PDE1B: variants seen among roughly 807,000 people sequenced by gnomAD.
PDE1B encodes the protein phosphodiesterase 1B.
In PDE1B, 13 loss-of-function variants were observed where a neutral mutation model predicts 66.7. The ratio of observed to expected loss-of-function variants is 0.19; its 90% CI spans 0.13 to 0.31. The LOEUF (loss-of-function observed/expected upper bound fraction) is 0.31, where lower values mean the gene tolerates loss of function less well. Ranked by LOEUF, PDE1B falls within the 10% of genes least tolerant of loss-of-function variation. PDE1B has a pLI of 1.00. For synonymous variants in PDE1B, 230 were observed against 253.9 expected (o/e 0.91, Z 0.90); for missense variants, 485 against 682.3 (o/e 0.71, Z 3.22).
At chr12:54,550,079 A>T (rs990932430) in intron 2 of PDE1B, 94 bp downstream of exon 2, 3 of 1,503,580 alleles carry the variant, frequency 2.0e-6, no homozygotes, top group African/African-American at 2.8e-5. Context: ...GTGGGCTGGT[A>T]GATTCTCTTT....
At chr12:54,553,300 T>C (rs1056722043) in intron 2 of PDE1B, among the ~76,000 whole-genome samples, 2 of 152,216 alleles carry the variant, frequency 1.3e-5, no homozygotes, top group African/African-American at 4.8e-5. Context: ...CCACTCTCTT[T>C]TCTCTGCTCC....
Position 54,576,589 on chromosome 12 carries a change from C to G in PDE1B, c.1395C>G (p.Pro465=). ...CTTCTAGCTTTCAGTGGCGCCAGCC[C>G]TCTCTGGATGTGGAAGTGGGAGACC... The part of the protein sequence containing the change: ...KNQPSFQWRQ[P]SLDVEVGDPN... Residue 465 remains proline, a synonymous_variant, in exon 14 of 16, where the codon CCC becomes CCG. Transcript: ENST00000243052. 6.2e-7 allele frequency: 1 copy of G among 1,614,110 alleles called. No individual in the cohort carries two copies. The highest frequency in any genetic ancestry group is 1.1e-5 in the South Asian group (1 of 91,074).
rs779209390 is a variant in PDE1B at position 54,573,144 on chromosome 12, G to A, written c.736-4G>A. 1.2e-6 allele frequency: 2 copies of A among 1,610,982 alleles called. No homozygotes were observed. Among genetic ancestry groups the A allele is most frequent in the Non-Finnish European group, 1.7e-6 (2 of 1,177,160 alleles). ...TCTCTCATTCTTTCTCTTTCCTCCT[G>A]TAGCACTGCCTGTCGGAGATTGAGC... On this transcript the variant is annotated splice_polypyrimidine_tract_variant and splice_region_variant and intron_variant, in intron 7 of 15. Coordinates refer to ENST00000243052, the MANE Select transcript of PDE1B (RefSeq NM_000924.4). The surrounding 1 kb of genome is among the most constrained non-coding windows in gnomAD (Gnocchi z 5.2).
chr12:54,569,763 C>T lies in PDE1B; in HGVS notation c.477+151C>T. 3.3e-6 allele frequency: 2 copies of T among 609,540 alleles called. No homozygotes were observed. Among genetic ancestry groups the T allele is most frequent in the Non-Finnish European group, 5.9e-6 (2 of 341,692 alleles). The allele number at this position is 609,540 out of a possible 1,614,324, so 37.8% of individuals were successfully genotyped here. On this transcript the variant is annotated intron_variant, in intron 5 of 15. Transcript: ENST00000243052. The surrounding 1 kb of genome is among the most constrained non-coding windows in gnomAD (Gnocchi z 4.4). The stretch of plus-strand genomic sequence containing the variant: ...TGTCACTCAGGCTGGAGTGCAGTGG[C>T]GTGATCTCGTCTCACTGCAACCTCT...
At chr12:54,551,390 A>C (rs1168464185) in intron 2 of PDE1B, among the ~76,000 whole-genome samples, 1 of 152,202 alleles carries the variant, frequency 6.6e-6, no homozygotes, top group African/African-American at 2.4e-5. Flanking sequence ...GGGCTCTATG[A>C]AGCACAGCCT....
At chr12:54,577,178 A>G in intron 14 of PDE1B, 47 bp from the exon 15 acceptor site, 1 of 1,482,538 alleles carries the variant, frequency 6.7e-7, no homozygotes, top group Non-Finnish European at 9.4e-7. Context: ...GTTCTGGGGA[A>G]GAATACTTCT....
chr12:54,569,531 A>C lies in PDE1B; in HGVS notation c.411-15A>C. 6.2e-7 allele frequency: 1 copy of C among 1,611,212 alleles called. No homozygotes were observed. Among genetic ancestry groups the C allele is most frequent in the East Asian group, 2.2e-5 (1 of 44,866 alleles). On this transcript the variant is annotated splice_polypyrimidine_tract_variant and intron_variant, in intron 4 of 15. Coordinates refer to ENST00000243052, the MANE Select transcript of PDE1B (RefSeq NM_000924.4). This position sits in a 1 kb window ranked among gnomAD's most constrained non-coding sequence, Gnocchi z 4.4. The stretch of plus-strand genomic sequence containing the variant: ...GACCTTCATATGTGGGCTTCTTCTC[A>C]TTGTTCTCTCTCAGGATGTTCCGGA...
rs1412958873 is a variant in PDE1B at position 54,573,390 on chromosome 12, T to C, written c.872T>C (p.Val291Ala). ...ECAIVYNDRS[V>A]LENHHISSVF... ...GCCATCGTGTACAATGATCGTTCAG[T>C]GCTGGAGAATCACCACATCAGCTCT... is the stretch of plus-strand genomic sequence containing the variant. The change falls in exon 9 of 16, where the codon GTG becomes GCG. Residue 291 changes from valine to alanine, a missense_variant. By Grantham distance (64) the Val-to-Ala change is moderately conservative. Transcript: ENST00000243052. The surrounding 1 kb of genome is among the most constrained non-coding windows in gnomAD (Gnocchi z 5.2). 2 of 1,613,976 alleles carry C rather than the reference T, an allele frequency of 1.2e-6. No individual in the cohort carries two copies. The highest frequency in any genetic ancestry group is 1.7e-6 in the Non-Finnish European group (2 of 1,179,954).
In PDE1B at chr12:54,575,470, C is replaced by T; in HGVS notation, c.1186-81C>T. On this transcript the variant is annotated intron_variant, in intron 11 of 15. Coordinates refer to ENST00000243052, the MANE Select transcript of PDE1B (RefSeq NM_000924.4). This position sits in a 1 kb window ranked among gnomAD's most constrained non-coding sequence, Gnocchi z 4.0. The stretch of plus-strand genomic sequence containing the variant: ...AAATTTCACACAACAACCCCCCACC[C>T]CCACCACTTGCCACCTGTACCCCAG... The T allele has an allele frequency of 1.0e-6, 1 of 988,330 alleles. No individual in the cohort carries two copies. The highest frequency in any genetic ancestry group is 1.6e-6 in the Non-Finnish European group (1 of 611,690). The allele number at this position is 988,330 out of a possible 1,614,324, so 61.2% of individuals were successfully genotyped here. A position where few individuals can be genotyped will look rare whatever the true frequency, so the allele number is the denominator to read the frequency against.
intron 2 of PDE1B, among the ~76,000 whole-genome samples, chr12:54,564,924 T>A (rs909185585): frequency 6.6e-6 from 1 of 152,206 alleles, no homozygotes; most frequent in Non-Finnish European, 1.5e-5. Context: ...TCCTGAGCCT[T>A]GGTTTCTGCA....
intron 2 of PDE1B, among the ~76,000 whole-genome samples, chr12:54,555,344 G>A (rs1009478499): frequency 6.6e-6 from 1 of 152,182 alleles, no homozygotes; most frequent in Non-Finnish European, 1.5e-5. Context: ...AATCACTGAA[G>A]TCTCTTAGAA....
Position 54,575,635 on chromosome 12 carries a change from G to T in PDE1B, c.1267+3G>T, listed in dbSNP as rs1400752123. 17 of 1,600,530 alleles carry T rather than the reference G, an allele frequency of 1.1e-5. No homozygotes were observed. The highest frequency in any genetic ancestry group is 1.5e-5 in the Non-Finnish European group (17 of 1,169,106). On this transcript the variant is annotated splice_donor_region_variant and intron_variant, in intron 12 of 15. Transcript: ENST00000243052. The surrounding 1 kb of genome is among the most constrained non-coding windows in gnomAD (Gnocchi z 4.0). Reference sequence around the variant, plus strand: ...TCTAGTGGCACAGTCTCAGATAGGTGAGTGTCCTCTCCTGCAGGAAGGGGA... The same window carrying T: ...TCTAGTGGCACAGTCTCAGATAGGTTAGTGTCCTCTCCTGCAGGAAGGGGA...
At chr12:54,551,133 A>G (rs184125344) in intron 2 of PDE1B, among the ~76,000 whole-genome samples, 1 of 152,272 alleles carries the variant, frequency 6.6e-6, no homozygotes, top group East Asian at 1.9e-4. Context: ...GAAGCTTTCT[A>G]TTTCTGGGTT....
intron 3 of PDE1B, among the ~76,000 whole-genome samples, chr12:54,567,956 A>G (rs1957546396): frequency 6.6e-6 from 1 of 152,114 alleles, no homozygotes; most frequent in Non-Finnish European, 1.5e-5. Flanking sequence ...TCTGGGGTTC[A>G]AGCAATTCTT....
intron 2 of PDE1B, 145 bp downstream of exon 2, chr12:54,550,130 AC>A (rs1957254344): frequency 1.4e-6 from 2 of 1,447,342 alleles, no homozygotes; most frequent in East Asian, 5.0e-5. Flanking sequence ...CGGCCCTGAC[AC>A]GCGTGGCCAG....
At position 54,569,675 on chromosome 12, in the gene PDE1B, T is replaced by A; in HGVS notation, c.477+63T>A. 1 of 1,093,862 alleles carries A rather than the reference T, an allele frequency of 9.1e-7. No individual in the cohort carries two copies. Among genetic ancestry groups the A allele is most frequent in the Non-Finnish European group, 1.4e-6 (1 of 711,682 alleles). The allele number at this position is 1,093,862 out of a possible 1,614,324, so 67.8% of individuals were successfully genotyped here. A position where few individuals can be genotyped will look rare whatever the true frequency, so the allele number is the denominator to read the frequency against. On this transcript the variant is annotated intron_variant, in intron 5 of 15. Coordinates refer to ENST00000243052, the MANE Select transcript of PDE1B (RefSeq NM_000924.4). This position sits in a 1 kb window ranked among gnomAD's most constrained non-coding sequence, Gnocchi z 4.4. ...GGGATGGAATAGCCACTGGGACTTCTAGACCCTGTTTATGGCATTATTTTT... is the reference window on the plus strand; with the variant it reads ...GGGATGGAATAGCCACTGGGACTTCAAGACCCTGTTTATGGCATTATTTTT...
In PDE1B at chr12:54,575,694, A is replaced by T. The variant is rs1957728158; in HGVS notation, c.1267+62A>T. On this transcript the variant is annotated intron_variant, in intron 12 of 15. Transcript: ENST00000243052. This position sits in a 1 kb window ranked among gnomAD's most constrained non-coding sequence, Gnocchi z 4.0. ...AGGGGGAAAAGATGCTGCCTGGGTCAGGATTGCTCCAAGTCCTCAATCCCC... is the reference window on the plus strand; with the variant it reads ...AGGGGGAAAAGATGCTGCCTGGGTCTGGATTGCTCCAAGTCCTCAATCCCC... 1.7e-6 allele frequency: 2 copies of T among 1,200,784 alleles called. No homozygotes were observed. The highest frequency in any genetic ancestry group is 3.4e-5 in the Admixed American group (2 of 59,524). The allele number at this position is 1,200,784 out of a possible 1,614,324, so 74.4% of individuals were successfully genotyped here.
At position 54,569,008 on chromosome 12, in the gene PDE1B, A is replaced by C. The variant is rs1957569818; in HGVS notation, c.228-176A>C. On this transcript the variant is annotated intron_variant, in intron 3 of 15. Transcript: ENST00000243052. This position sits in a 1 kb window ranked among gnomAD's most constrained non-coding sequence, Gnocchi z 4.4. ...ACTACCTCACATGGAGACCTGTTTC[A>C]TTATTGGAGATGTTAGATAAAGAAA... is the stretch of plus-strand genomic sequence containing the variant. The C allele has an allele frequency of 2.8e-6, 3 of 1,088,270 alleles. No individual in the cohort carries two copies. The highest frequency in any genetic ancestry group is 3.2e-5 in the African/African-American group (2 of 62,642). 67.4% of individuals were successfully genotyped at this position (1,088,270 alleles called of 1,614,324 possible).
chr12:54,573,799 G>A lies in PDE1B; in HGVS notation c.1064+90G>A. 2.2e-6 allele frequency: 2 copies of A among 894,846 alleles called. No homozygotes were observed. The highest frequency in any genetic ancestry group is 3.7e-6 in the Non-Finnish European group (2 of 535,832). 55.4% of individuals were successfully genotyped at this position (894,846 alleles called of 1,614,324 possible). A position where few individuals can be genotyped will look rare whatever the true frequency, so the allele number is the denominator to read the frequency against. On this transcript the variant is annotated intron_variant, in intron 10 of 15. Transcript: ENST00000243052. This position sits in a 1 kb window ranked among gnomAD's most constrained non-coding sequence, Gnocchi z 5.2. ...TACACAAGGGTAGTTGGTGTGCCAG[G>A]TCTTTACCTCGCTGTAGAGACTCCA...
Sources: allele counts gnomAD v4.1 joint callset (sites outside exome capture counted in the v4.1 genomes callset), GRCh38; gene constraint gnomAD v4.1.1; non-coding constraint Gnocchi (gnomAD v3.1); transcripts MANE v1.5; gene names NCBI Gene and HGNC (gene_info 2026-07-23, HGNC 2026-07-21).